The following ADAM12 variants were observed in gnomAD, a reference collection of about 807,000 sequenced individuals.
ADAM12 encodes ADAM metallopeptidase domain 12, also known as disintegrin and metalloproteinase domain-containing protein 12.
A neutral mutation model predicts 106.4 loss-of-function variants in ADAM12; 70 were observed. The observed-to-expected ratio is 0.66, with a 90% CI of 0.54 to 0.80. The LOEUF (loss-of-function observed/expected upper bound fraction) is 0.80. Among genes scored for constraint, ADAM12 ranks in the 30% least tolerant of loss-of-function variants. ADAM12 has a pLI of 0.00. For synonymous variants in ADAM12, 420 were observed against 433.5 expected, an observed-to-expected ratio of 0.97 and a Z score of 0.39; for missense variants, 1,010 against 1,171.9, an observed-to-expected ratio of 0.86 and a Z score of 2.02.
rs201814448 is a variant in ADAM12, at chr10:126,101,060, G to C, written c.911+12C>G. The C allele has an allele frequency of 6.2e-7, 1 of 1,612,434 alleles. No individual in the cohort carries two copies. Among genetic ancestry groups the C allele is most frequent in the Non-Finnish European group, 8.5e-7 (1 of 1,179,096 alleles). ...CCTTTTTTTTTTAAGCAGACAAGAC[G>C]TAACTCCCTACCTGACAAGCTGCGC... On this transcript the variant is annotated intron_variant, in intron 9 of 22. Transcript: ENST00000448723.
rs149156561 is a variant in ADAM12, at chr10:126,080,923, G to A, written c.1146-9269C>T. On this transcript the variant is annotated intron_variant, in intron 11 of 22. Transcript: ENST00000448723. The stretch of plus-strand genomic sequence containing the variant: ...CTTTTCTTGTAGGAGCCTATTGTGC[G>A]TCTCACTGCTATATTCTTGGGGGTG... Among the ~76,000 whole-genome samples, 28 of 152,248 alleles carry A rather than the reference G, an allele frequency of 1.8e-4. No individual in the cohort carries two copies. In the East Asian group the frequency reaches 3.3e-3, roughly 18 times the overall value.
In ADAM12 at chr10:126,280,381, G is replaced by A. The variant is rs547581172; in HGVS notation, c.187-1393C>T. Among the ~76,000 whole-genome samples the A allele has an allele frequency of 1.7e-4, 26 of 152,176 alleles. 1 individual carries two copies. The highest frequency in any genetic ancestry group is 7.2e-4 in the Admixed American group (11 of 15,282). ...GTGTCTCTCATGGTAGCCATTAGCCGCATATGGCTATTTAAGTTAATTAAA... is the reference window on the plus strand; with the variant it reads ...GTGTCTCTCATGGTAGCCATTAGCCACATATGGCTATTTAAGTTAATTAAA... On this transcript the variant is annotated intron_variant, in intron 2 of 22. Transcript: ENST00000448723.
chr10:126,174,183 T>G (rs985097003), intron 3 of ADAM12, among the ~76,000 whole-genome samples: 3 of 150,640 alleles, frequency 2.0e-5, no homozygotes, highest in African/African-American at 7.3e-5. Flanking sequence ...GTTGTTCCCC[T>G]CCTCCCCCTT....
At chr10:126,263,856 T>C (rs1267281411) in intron 3 of ADAM12, among the ~76,000 whole-genome samples, 1 of 152,224 alleles carries the variant, frequency 6.6e-6, no homozygotes, top group Non-Finnish European at 1.5e-5. Context: ...AGGTAATTTA[T>C]GGTCCAATAT....
chr10:126,384,970 C>A (rs1170129876), intron 1 of ADAM12, among the ~76,000 whole-genome samples: 1 of 152,220 alleles, frequency 6.6e-6, no homozygotes, highest in Non-Finnish European at 1.5e-5. Flanking sequence ...ATACTTCTGA[C>A]CAACTAGCTA....
Position 126,387,076 on chromosome 10 carries a change from G to A in ADAM12, c.88+982C>T, listed in dbSNP as rs536108504. Among the ~76,000 whole-genome samples the A allele has an allele frequency of 2.0e-5, 3 of 152,314 alleles. No homozygotes were observed. The South Asian group carries it at 6.2e-4, about 32-fold the overall frequency. The stretch of plus-strand genomic sequence containing the variant: ...TAAAGTGGTAACGGTTCGTGATTTA[G>A]GCCAGTTGTTGAAAAATAAATGCCT... On this transcript the variant is annotated intron_variant, in intron 1 of 22. Coordinates refer to ENST00000448723, the MANE Select transcript of ADAM12 (RefSeq NM_001288973.2).
chr10:126,122,026 T>C (rs1345809301), intron 5 of ADAM12, among the ~76,000 whole-genome samples: 1 of 152,138 alleles, frequency 6.6e-6, no homozygotes, highest in Non-Finnish European at 1.5e-5. Flanking sequence ...CAAGGCAGCA[T>C]CGAGATATCC....
At chr10:126,037,880 ATGGTGGGGCTGGCATTGGGGGC>A (rs760666486) in intron 20 of ADAM12, among the ~76,000 whole-genome samples, 1 of 152,204 alleles carries the variant, frequency 6.6e-6, no homozygotes, top group Non-Finnish European at 1.5e-5. Flanking sequence ...TTTGGAAACC[ATGGTGGGGCTGGCATTGGGGGC>A]TGGTGTCAGG....
At chr10:126,026,571 C>T (rs1361453793) in intron 21 of ADAM12, among the ~76,000 whole-genome samples, 1 of 152,204 alleles carries the variant, frequency 6.6e-6, no homozygotes, top group Admixed American at 6.5e-5. Context: ...TCATAACAGT[C>T]TGTCAAACCA....
At chr10:126,298,451 G>GA (rs1269963729) in intron 2 of ADAM12, among the ~76,000 whole-genome samples, 2 of 152,128 alleles carry the variant, frequency 1.3e-5, no homozygotes, top group Admixed American at 6.5e-5. Flanking sequence ...ATCGTAGAGT[G>GA]AAAAATCGGT....
chr10:126,366,866 C>A (rs975396638), intron 1 of ADAM12, among the ~76,000 whole-genome samples: 2 of 151,968 alleles, frequency 1.3e-5, no homozygotes, highest in Non-Finnish European at 2.9e-5. Flanking sequence ...CAGGTCAATT[C>A]GTCAAGAAGA....
chr10:126,285,204 G>A (rs1422153925), intron 2 of ADAM12, among the ~76,000 whole-genome samples: 3 of 152,214 alleles, frequency 2.0e-5, no homozygotes, highest in Non-Finnish European at 4.4e-5. Context: ...GAAGGAAAGG[G>A]TTCTGCTGCA....
Position 126,043,513 on chromosome 10 carries a change from C to G in ADAM12, c.1996-365G>C, listed in dbSNP as rs140397421. Among the ~76,000 whole-genome samples, 1 of 152,138 alleles carries G rather than the reference C, an allele frequency of 6.6e-6. No individual in the cohort carries two copies. Among genetic ancestry groups the G allele is most frequent in the Admixed American group, 6.5e-5 (1 of 15,276 alleles). On this transcript the variant is annotated intron_variant, in intron 17 of 22. Transcript: ENST00000448723. This position sits in a 1 kb window ranked among gnomAD's most constrained non-coding sequence, Gnocchi z 4.1. ...AGCCCCCTCAGCAGTGAGGAGGGACCGTGCTTTGGGGCTACAGACCCAGAG... is the reference window on the plus strand; with the variant it reads ...AGCCCCCTCAGCAGTGAGGAGGGACGGTGCTTTGGGGCTACAGACCCAGAG...
intron 2 of ADAM12, among the ~76,000 whole-genome samples, chr10:126,323,647 C>T (rs1854190657): frequency 6.6e-6 from 1 of 152,110 alleles, no homozygotes; most frequent in South Asian, 2.1e-4. Context: ...TGGCTGCTGC[C>T]CTGAGGGAGG....
At chr10:126,046,729 G>A (rs1954331891) in intron 16 of ADAM12, among the ~76,000 whole-genome samples, 1 of 150,596 alleles carries the variant, frequency 6.6e-6, no homozygotes, top group Admixed American at 6.6e-5. Flanking sequence ...CTTGAACCAG[G>A]GAGTTGGAGG....
rs1432477693 is a variant in ADAM12, at chr10:126,220,527, T to C, written c.260+58388A>G. Among the ~76,000 whole-genome samples the C allele has an allele frequency of 2.0e-5, 3 of 152,352 alleles. No individual in the cohort carries two copies. In the South Asian group the frequency reaches 6.2e-4, roughly 32 times the overall value. On this transcript the variant is annotated intron_variant, in intron 3 of 22. Coordinates refer to ENST00000448723, the MANE Select transcript of ADAM12 (RefSeq NM_001288973.2). ...ACCCCAAAATCAATTCATTCTAAAA[T>C]GATTTTTGTTGTTGTTGCTGAAGTA...
chr10:126,024,595 A>AT (rs1183989297), intron 21 of ADAM12, among the ~76,000 whole-genome samples: 1 of 152,156 alleles, frequency 6.6e-6, no homozygotes, highest in Non-Finnish European at 1.5e-5. Flanking sequence ...AAGTACTATT[A>AT]TTTCACATTT....
At chr10:126,209,860 G>C (rs186945732) in intron 3 of ADAM12, among the ~76,000 whole-genome samples, 87 of 152,290 alleles carry the variant, frequency 5.7e-4, no homozygotes, top group African/African-American at 2.0e-3. Flanking sequence ...AATAGATTTA[G>C]AGGTCTGGAC....
chr10:126,261,074 TGATTTAAAGTATACAGGAG>T (rs1212953330), intron 3 of ADAM12, among the ~76,000 whole-genome samples: 1 of 152,164 alleles, frequency 6.6e-6, no homozygotes, highest in Non-Finnish European at 1.5e-5. Flanking sequence ...AATCTAGAGA[TGATTTAAAGTATACAGGAG>T]GATTTAAAGT....
Sources: gnomAD v4.1 joint callset for allele counts (sites outside exome capture counted in the v4.1 genomes callset) on GRCh38, gnomAD v4.1.1 for gene constraint, Gnocchi (gnomAD v3.1) non-coding constraint, MANE v1.5 for transcripts, NCBI Gene and HGNC (gene_info 2026-07-23, HGNC 2026-07-21) for gene names.